SUMF1: variants seen among roughly 807,000 people sequenced by gnomAD.
The protein encoded by SUMF1 is sulfatase modifying factor 1.
A neutral mutation model predicts 47.6 loss-of-function variants in SUMF1; 48 were observed. That is an observed-to-expected ratio of 1.01 (90% CI 0.80 to 1.28). The LOEUF is 1.28. Among genes scored for constraint, SUMF1 ranks in the 50% most tolerant of loss-of-function variants. The pLI, the probability that SUMF1 is intolerant of heterozygous loss-of-function variation, is 0.00. For synonymous variants in SUMF1, 230 were observed against 192.1 expected, an observed-to-expected ratio of 1.20 and a Z score of -1.63; for missense variants, 571 against 485.4, an observed-to-expected ratio of 1.18 and a Z score of -1.66.
chr3:4,167,531 G>A (rs1574944603), intron 8 of SUMF1, among the ~76,000 whole-genome samples: 1 of 152,140 alleles, frequency 6.6e-6, no homozygotes, highest in African/African-American at 2.4e-5. Context: ...ACAGAGCACT[G>A]ATAGGTGTGT....
intron 8 of SUMF1, among the ~76,000 whole-genome samples, chr3:4,145,983 G>C (rs925242721): frequency 1.3e-5 from 2 of 152,038 alleles, no homozygotes; most frequent in African/African-American, 4.8e-5. Flanking sequence ...TAACAGAGAG[G>C]GAAAATCCAC....
rs567309752 is a variant in SUMF1, at chr3:4,070,574, G to A, written c.1015-1829C>T. ...ACTAACCACTCATGCTGAAAACGAT[G>A]ACATAGAAGAAAAGGGAAAGATAGG... On this transcript the variant is annotated intron_variant and NMD_transcript_variant, in intron 8 of 12. Coordinates refer to the SUMF1 transcript ENST00000448413. Among the ~76,000 whole-genome samples the A allele has an allele frequency of 2.0e-5, 3 of 152,216 alleles. No individual in the cohort carries two copies. The South Asian group carries it at 6.2e-4, about 32-fold the overall frequency.
intron 2 of SUMF1, among the ~76,000 whole-genome samples, chr3:4,452,346 C>G (rs749442311): frequency 3.3e-5 from 5 of 152,176 alleles, no homozygotes; most frequent in Non-Finnish European, 5.9e-5. Flanking sequence ...ATGTCTGGAA[C>G]TGCTATAGCA....
chr3:4,418,563 C>T (rs1247577915), intron 4 of SUMF1, among the ~76,000 whole-genome samples: 1 of 152,202 alleles, frequency 6.6e-6, no homozygotes, highest in Non-Finnish European at 1.5e-5. Flanking sequence ...TACAGTGGCT[C>T]AACCTATGGG....
chr3:4,456,492 C>T (rs1448690028), intron 1 of SUMF1, among the ~76,000 whole-genome samples: 2 of 139,562 alleles, frequency 1.4e-5, no homozygotes, highest in East Asian at 4.1e-4. Flanking sequence ...TACTCTGTTG[C>T]CCAGGCTGGA....
chr3:4,038,934 C>G (rs1694854173), intron 9 of SUMF1, among the ~76,000 whole-genome samples: 1 of 152,146 alleles, frequency 6.6e-6, no homozygotes, highest in Non-Finnish European at 1.5e-5. Flanking sequence ...AGAGCATAAA[C>G]AGATTAATTT....
At position 4,155,513 on chromosome 3, in the gene SUMF1, G is replaced by T. The variant is rs1344152772; in HGVS notation, c.1015-86768C>A. Among the ~76,000 whole-genome samples, 3 of 151,454 alleles carry T rather than the reference G, an allele frequency of 2.0e-5. No homozygotes were observed. The East Asian group carries it at 5.8e-4, about 29-fold the overall frequency. ...GACGGCTCCTTCCCTCCTGGCAGCA[G>T]TAAGTTACAGAAAAACCACATTCAT... On this transcript the variant is annotated intron_variant and NMD_transcript_variant, in intron 8 of 12. Transcript: ENST00000448413.
intron 8 of SUMF1, among the ~76,000 whole-genome samples, chr3:4,168,194 AC>A (rs1030926699): frequency 1.1e-4 from 17 of 151,982 alleles, no homozygotes; most frequent in African/African-American, 4.1e-4. Flanking sequence ...CATGATCACA[AC>A]CCCCATGTGG....
At chr3:4,089,376 T>C (rs1394381175) in intron 8 of SUMF1, among the ~76,000 whole-genome samples, 3 of 152,162 alleles carry the variant, frequency 2.0e-5, no homozygotes, top group Non-Finnish European at 2.9e-5. Context: ...GAAAACAGGA[T>C]GAAGAATGTC....
intron 8 of SUMF1, among the ~76,000 whole-genome samples, chr3:4,162,443 C>T (rs1026996628): frequency 2.0e-5 from 3 of 152,136 alleles, no homozygotes; most frequent in African/African-American, 7.2e-5. Context: ...GAACCCAGAG[C>T]CCTTTACCCA....
At chr3:4,313,027 T>C in intron 8 of SUMF1, 1 of 1,613,956 alleles carries the variant, frequency 6.2e-7, no homozygotes, top group Non-Finnish European at 8.5e-7. Flanking sequence ...TGGAGAGAAC[T>C]ATGATGATAA....
chr3:4,383,737 T>G (rs1480859655), intron 7 of SUMF1, among the ~76,000 whole-genome samples: 1 of 152,162 alleles, frequency 6.6e-6, no homozygotes, highest in African/African-American at 2.4e-5. Flanking sequence ...CTTATGGGAT[T>G]TGGGAGACAA....
At chr3:4,234,569 T>C (rs1056044890) in intron 8 of SUMF1, among the ~76,000 whole-genome samples, 12 of 152,142 alleles carry the variant, frequency 7.9e-5, no homozygotes, top group Middle Eastern at 3.2e-3. Context: ...ACTCACAGCC[T>C]AGTAGGATCA....
At chr3:4,460,665 TA>T (rs1160275638) in intron 1 of SUMF1, among the ~76,000 whole-genome samples, 15 of 149,268 alleles carry the variant, frequency 1.0e-4, no homozygotes, top group African/African-American at 3.4e-4. Flanking sequence ...TATATATATA[TA>T]TTTTTTAAGA....
At chr3:4,340,622 T>C (rs1575111544) in intron 8 of SUMF1, among the ~76,000 whole-genome samples, 1 of 152,054 alleles carries the variant, frequency 6.6e-6, no homozygotes, top group Non-Finnish European at 1.5e-5. Flanking sequence ...GGAGAGTTAA[T>C]AAATAGGAGG....
chr3:4,369,631 A>G (rs1304182972), intron 8 of SUMF1, among the ~76,000 whole-genome samples: 5 of 152,214 alleles, frequency 3.3e-5, no homozygotes, highest in African/African-American at 1.2e-4. Flanking sequence ...TGTGGATGAG[A>G]TTTCCATGAT....
At chr3:4,261,599 G>A (rs1697086041) in intron 8 of SUMF1, among the ~76,000 whole-genome samples, 1 of 152,210 alleles carries the variant, frequency 6.6e-6, no homozygotes, top group Non-Finnish European at 1.5e-5. Context: ...TCAACCATCT[G>A]CAGTGTAACT....
intron 8 of SUMF1, among the ~76,000 whole-genome samples, chr3:4,188,130 C>T (rs930420303): frequency 6.6e-5 from 10 of 151,886 alleles, no homozygotes; most frequent in African/African-American, 2.4e-4. Flanking sequence ...GATGAACCTA[C>T]ACAGACACAT....
At chr3:4,220,234 G>T (rs1441390772) in intron 8 of SUMF1, among the ~76,000 whole-genome samples, 1 of 152,092 alleles carries the variant, frequency 6.6e-6, no homozygotes, top group Non-Finnish European at 1.5e-5. Context: ...CTCTGTGTGT[G>T]TGCTGCACTT....
Sources: gnomAD v4.1 joint callset for allele counts (sites outside exome capture counted in the v4.1 genomes callset) on GRCh38, gnomAD v4.1.1 for gene constraint, MANE v1.5 for transcripts, NCBI Gene and HGNC (gene_info 2026-07-23, HGNC 2026-07-21) for gene names.